The following BLTP3B variants were observed in gnomAD, a reference collection of about 807,000 sequenced individuals.
BLTP3B encodes the protein UHRF1 (ICBP90) binding protein 1-like.
At chr12:100,052,798 T>G in the BLTP3B span, among the ~76,000 whole-genome samples, 16 of 147,928 alleles carry the variant, frequency 1.1e-4, no homozygotes, top group Non-Finnish European at 2.1e-4. Context: ...CTGTTTTTTT[T>G]TTTTTTTTTT....
chr12:100,052,333 G>C, the BLTP3B span, among the ~76,000 whole-genome samples: 1 of 152,016 alleles, frequency 6.6e-6, no homozygotes, highest in South Asian at 2.1e-4. Flanking sequence ...GTGAGCCACT[G>C]TGTCTGGCCC....
At chr12:100,050,901 T>G in the BLTP3B span, among the ~76,000 whole-genome samples, 1 of 152,054 alleles carries the variant, frequency 6.6e-6, no homozygotes, top group Non-Finnish European at 1.5e-5. Flanking sequence ...TTTAGAAAAG[T>G]AAAATCAAAG....
At chr12:100,037,376 T>C in the BLTP3B span, 7 of 1,125,750 alleles carry the variant, frequency 6.2e-6, no homozygotes, top group African/African-American at 1.6e-5. Context: ...TGTAATTATT[T>C]TACACTATGT....
the BLTP3B span, chr12:100,051,396 G>T: frequency 2.0e-6 from 1 of 500,334 alleles, no homozygotes; most frequent in Non-Finnish European, 3.3e-6. Flanking sequence ...CAATGAATGT[G>T]CTATAATTCA....
At chr12:100,103,081 T>C in the BLTP3B span, among the ~76,000 whole-genome samples, 1 of 152,068 alleles carries the variant, frequency 6.6e-6, no homozygotes, top group Non-Finnish European at 1.5e-5. Context: ...GGAAAAGCTA[T>C]GTGTATTACA....
the BLTP3B span, among the ~76,000 whole-genome samples, chr12:100,130,982 G>GGAGAGAGA: frequency 0.015 from 924 of 61,896 alleles, 60 homozygotes; most frequent in East Asian, 0.021. Flanking sequence ...AGAGAGGGAG[G>GGAGAGAGA]GAGAGAGAGA....
the BLTP3B span, among the ~76,000 whole-genome samples, chr12:100,088,458 C>G: frequency 6.6e-6 from 1 of 151,994 alleles, no homozygotes; most frequent in African/African-American, 2.4e-5. Flanking sequence ...GAGAGGTGGC[C>G]ATAAAATATG....
At chr12:100,058,383 T>C in the BLTP3B span, 1 of 1,612,214 alleles carries the variant, frequency 6.2e-7, no homozygotes, top group Non-Finnish European at 8.5e-7. Context: ...TGATAAATAG[T>C]CCATAAAAGA....
chr12:100,108,096 T>C, the BLTP3B span, among the ~76,000 whole-genome samples: 1 of 148,046 alleles, frequency 6.8e-6, no homozygotes, highest in Non-Finnish European at 1.5e-5. Flanking sequence ...GAAAAAACTA[T>C]CTTTGAACAT....
At chr12:100,083,131 T>C in the BLTP3B span, 1 of 1,608,766 alleles carries the variant, frequency 6.2e-7, no homozygotes, top group Non-Finnish European at 8.5e-7. Context: ...AGGGTAGTCC[T>C]TCTCTGTTGG....
chr12:100,076,983 T>C, the BLTP3B span, among the ~76,000 whole-genome samples: 136 of 152,334 alleles, frequency 8.9e-4, no homozygotes, highest in African/African-American at 3.1e-3. Flanking sequence ...TTACTGTATT[T>C]CACTCACAAC....
At chr12:100,042,318 C>A in the BLTP3B span, among the ~76,000 whole-genome samples, 1,360 of 150,364 alleles carry the variant, frequency 9.0e-3, 16 homozygotes, top group African/African-American at 0.031. Flanking sequence ...CCAAAAGAGT[C>A]AAAAAAAAAT....
At chr12:100,141,784 G>GT in the BLTP3B span, among the ~76,000 whole-genome samples, 1 of 152,260 alleles carries the variant, frequency 6.6e-6, no homozygotes, top group Non-Finnish European at 1.5e-5. Flanking sequence ...GCCAAGAGCA[G>GT]TAACAAACTG....
the BLTP3B span, among the ~76,000 whole-genome samples, chr12:100,042,329 C>A: frequency 1.3e-5 from 2 of 151,854 alleles, no homozygotes; most frequent in African/African-American, 2.4e-5. Context: ...AAAAAAAAAT[C>A]TTGAAAAGGT....
chr12:100,115,527 G>A, the BLTP3B span, among the ~76,000 whole-genome samples: 1 of 152,080 alleles, frequency 6.6e-6, no homozygotes, highest in African/African-American at 2.4e-5. Context: ...CCAGCAATTC[G>A]GGAGGCCAAA....
the BLTP3B span, among the ~76,000 whole-genome samples, chr12:100,105,808 G>A: frequency 2.0e-5 from 3 of 151,974 alleles, no homozygotes; most frequent in African/African-American, 7.2e-5. Flanking sequence ...CAAATTATGT[G>A]TCTGACAAAG....
chr12:100,132,534 T>C, the BLTP3B span, among the ~76,000 whole-genome samples: 1 of 152,190 alleles, frequency 6.6e-6, no homozygotes, highest in Non-Finnish European at 1.5e-5. Flanking sequence ...CACTTCCCCT[T>C]ACCTTCTCCA....
the BLTP3B span, among the ~76,000 whole-genome samples, chr12:100,084,262 G>A: frequency 6.6e-6 from 1 of 151,892 alleles, no homozygotes; most frequent in African/African-American, 2.4e-5. Context: ...GGAGGGCCAA[G>A]GTGGGAGGAC....
chr12:100,054,134 A>C, the BLTP3B span, among the ~76,000 whole-genome samples: 1 of 152,190 alleles, frequency 6.6e-6, no homozygotes, highest in African/African-American at 2.4e-5. Context: ...TAACTGATAA[A>C]TTATAAACAA....
Sources: allele counts gnomAD v4.1 joint callset (sites outside exome capture counted in the v4.1 genomes callset), GRCh38; gene constraint gnomAD v4.1.1; transcripts MANE v1.5; gene names NCBI Gene and HGNC (gene_info 2026-07-23, HGNC 2026-07-21).